Variants in ADAMTS20 observed in about 807,000 individuals in gnomAD.
The protein encoded by ADAMTS20 is ADAM metallopeptidase with thrombospondin type 1 motif 20.
A neutral mutation model predicts 260.1 loss-of-function variants in ADAMTS20; 225 were observed. The observed-to-expected ratio is 0.87, with a 90% CI of 0.78 to 0.97. The LOEUF (loss-of-function observed/expected upper bound fraction) is 0.97. ADAMTS20 is among the 50% of genes least tolerant of loss of function. ADAMTS20 has a pLI of 0.00. For missense variants in ADAMTS20, 2,400 were observed against 2,337.7 expected (o/e 1.03, Z -0.55); for synonymous variants, 802 against 769.5 (o/e 1.04, Z -0.70).
intron 29 of ADAMTS20, among the ~76,000 whole-genome samples, chr12:43,386,620 A>T (rs955272683): frequency 2.6e-5 from 4 of 152,106 alleles, no homozygotes; most frequent in African/African-American, 9.7e-5. Flanking sequence ...TTTCAGGTAC[A>T]CCAATCAAAC....
intron 9 of ADAMTS20, among the ~76,000 whole-genome samples, chr12:43,465,948 T>A (rs191737155): frequency 1.3e-5 from 2 of 152,140 alleles, no homozygotes; most frequent in Non-Finnish European, 2.9e-5. Flanking sequence ...TTAGAATACA[T>A]CCATAGAAGA....
At chr12:43,527,802 A>T (rs1021873881) in intron 3 of ADAMTS20, among the ~76,000 whole-genome samples, 1 of 152,126 alleles carries the variant, frequency 6.6e-6, no homozygotes, top group Non-Finnish European at 1.5e-5. Flanking sequence ...CACTTTTACC[A>T]CTTCTACTCA....
intron 28 of ADAMTS20, among the ~76,000 whole-genome samples, chr12:43,401,937 C>G (rs1402615756): frequency 6.6e-6 from 1 of 151,764 alleles, no homozygotes; most frequent in East Asian, 1.9e-4. Context: ...CACATTCGCT[C>G]AAAAACAGGG....
chr12:43,416,768 C>T (rs538455966), intron 28 of ADAMTS20, among the ~76,000 whole-genome samples: 3 of 151,992 alleles, frequency 2.0e-5, no homozygotes, highest in African/African-American at 7.2e-5. Context: ...GTGATCCGAC[C>T]GCCTCGGCCT....
In ADAMTS20 at chr12:43,430,366, G is replaced by A. The variant is rs1252054451; in HGVS notation, c.3367C>T (p.Pro1123Ser). The change falls in exon 23 of 39, where the codon CCC (proline) becomes TCC (serine). Residue 1123 changes from proline to serine, a missense_variant. Transcript: ENST00000389420. ...ATTCTTTTTACCTGTCTGTCACTGG[G>A]GCGACTAGCTTCATGGCATTCTGTG... The part of the protein sequence containing the change: ...EDTECHEASR[P>S]SDRQSCVLTP... 3 of 1,610,500 alleles carry A rather than the reference G, an allele frequency of 1.9e-6. No homozygotes were observed. The highest frequency in any genetic ancestry group is 1.7e-6 in the Non-Finnish European group (2 of 1,178,140).
chr12:43,412,235 T>C (rs891588192), intron 28 of ADAMTS20, among the ~76,000 whole-genome samples: 9 of 152,232 alleles, frequency 5.9e-5, no homozygotes, highest in African/African-American at 2.2e-4. Flanking sequence ...AAGCTTCAAA[T>C]TGTCTAACAT....
At chr12:43,446,271 GA>G (rs1241522205) in intron 15 of ADAMTS20, among the ~76,000 whole-genome samples, 1 of 152,016 alleles carries the variant, frequency 6.6e-6, no homozygotes, top group South Asian at 2.1e-4. Flanking sequence ...AGGTTATAGG[GA>G]AAAAACCATT....
At chr12:43,541,502 CT>C (rs1943376234) in intron 2 of ADAMTS20, among the ~76,000 whole-genome samples, 1 of 152,182 alleles carries the variant, frequency 6.6e-6, no homozygotes, top group Non-Finnish European at 1.5e-5. Flanking sequence ...GACAGCCACT[CT>C]TTTTACCACT....
chr12:43,477,655 TTCTC>T (rs143217172), intron 7 of ADAMTS20, among the ~76,000 whole-genome samples: 1 of 150,924 alleles, frequency 6.6e-6, no homozygotes, highest in African/African-American at 2.4e-5. Context: ...GTCTCTTTCT[TTCTC>T]TCTCTCTCTC....
In ADAMTS20 at chr12:43,462,943, GAA is replaced by G. The variant is rs1942089607; in HGVS notation, c.1564_1565del (p.Phe522HisfsTer36). ...TSTEKLHKGCFTQHVPPADGT... is the reference protein window; with the variant it reads ...TSTEKLHKGCXTQHVPPADGT... ...CATCTGCTGGTGGCACGTGTTGAGTGAAACAGCCTTTGTGAAGCTTTTCTGTG... is the reference window on the plus strand; with the variant it reads ...CATCTGCTGGTGGCACGTGTTGAGTGACAGCCTTTGTGAAGCTTTTCTGTG... On this transcript the variant is annotated frameshift_variant, in exon 11 of 39. Coordinates refer to ENST00000389420, the MANE Select transcript of ADAMTS20 (RefSeq NM_025003.5). LOFTEE classifies it high-confidence loss of function. The G allele has an allele frequency of 1.2e-6, 2 of 1,609,680 alleles. No homozygotes were observed. The highest frequency in any genetic ancestry group is 2.7e-5 in the African/African-American group (2 of 74,912).
chr12:43,521,493 T>G (rs538899972), intron 3 of ADAMTS20, among the ~76,000 whole-genome samples: 1 of 152,350 alleles, frequency 6.6e-6, no homozygotes, highest in East Asian at 1.9e-4. Context: ...TTTACTTCTT[T>G]ATGTGCACTT....
intron 15 of ADAMTS20, among the ~76,000 whole-genome samples, chr12:43,445,964 T>A (rs1283962461): frequency 6.6e-6 from 1 of 152,094 alleles, no homozygotes; most frequent in Non-Finnish European, 1.5e-5. Context: ...CCAGAAAACA[T>A]TACAATGGAA....
rs150670741 is a variant in ADAMTS20 at position 43,432,662 on chromosome 12, G to A, written c.2870C>T (p.Thr957Ile). The A allele has an allele frequency of 5.0e-6, 8 of 1,613,806 alleles. No individual in the cohort carries two copies. The Admixed American group carries it at 1.0e-4, about 20-fold the overall frequency. ...HYCGDQLKPPTQELCHGNCVF... is the reference protein window; with the variant it reads ...HYCGDQLKPPIQELCHGNCVF... The stretch of plus-strand genomic sequence containing the variant: ...ACAGTTACCATGGCATAGTTCTTGG[G>A]TAGGAGGTTTAAGCTGGTCACCACA... Residue 957 changes from threonine (T) to isoleucine (I), a missense_variant, in exon 20 of 39, where the codon ACC becomes ATC. By Grantham distance (89) the Thr-to-Ile change is moderately conservative. Coordinates refer to ENST00000389420, the MANE Select transcript of ADAMTS20 (RefSeq NM_025003.5).
At chr12:43,405,229 C>CCAAAAAAAAAAAAAAAAAAAAAAAAAAAA (rs1410899520) in intron 28 of ADAMTS20, among the ~76,000 whole-genome samples, 1 of 52,790 alleles carries the variant, frequency 1.9e-5, no homozygotes, top group Non-Finnish European at 3.2e-5. Flanking sequence ...CTCATCTCTA[C>CCAAAAAAAAAAAAAAAAAAAAAAAAAAAA]AAAAAAAAAA....
Position 43,354,082 on chromosome 12 carries a change from GA to G in ADAMTS20, c.*126del. 2.4e-5 allele frequency: 15 copies of G among 628,874 alleles called. No homozygotes were observed. The highest frequency in any genetic ancestry group is 3.5e-5 in the Admixed American group (1 of 28,816). The allele number at this position is 628,874 out of a possible 1,614,324, so 39.0% of individuals were successfully genotyped here. A position where few individuals can be genotyped will look rare whatever the true frequency, so the allele number is the denominator to read the frequency against. On this transcript the variant is annotated 3_prime_UTR_variant, in exon 39 of 39. Transcript: ENST00000389420. ...GATTTGAATCCCTGATGAGCACCCT[GA>G]AAAAAAGGCAGAGACATATTGGACA...
At chr12:43,432,949 A>C in intron 19 of ADAMTS20, 138 bp from the exon 20 acceptor site, 1 of 727,986 alleles carries the variant, frequency 1.4e-6, no homozygotes, top group Non-Finnish European at 2.2e-6. Context: ...GTCTGCAGCC[A>C]GGAAGCCAGC....
chr12:43,514,518 C>T (rs1481149295), intron 3 of ADAMTS20, among the ~76,000 whole-genome samples: 2 of 130,652 alleles, frequency 1.5e-5, no homozygotes, highest in Middle Eastern at 4.3e-3. Flanking sequence ...GCCAAGATCT[C>T]GCTACTGCAC....
At chr12:43,487,496 T>C (rs1403992075) in intron 7 of ADAMTS20, among the ~76,000 whole-genome samples, 1 of 152,054 alleles carries the variant, frequency 6.6e-6, no homozygotes, top group Non-Finnish European at 1.5e-5. Context: ...ACTCAAGTGA[T>C]GGGTGCACGA....
chr12:43,452,213 C>A lies in ADAMTS20; in HGVS notation c.2079+61G>T, dbSNP rs150130179. On this transcript the variant is annotated intron_variant, in intron 14 of 38. Coordinates refer to ENST00000389420, the MANE Select transcript of ADAMTS20 (RefSeq NM_025003.5). ...AAAAGTAATATTTGGTTATATAAAT[C>A]GAAAAAAAACATTATTCTTAAAGTC... The A allele has an allele frequency of 1.7e-4, 259 of 1,492,668 alleles. No individual in the cohort carries two copies. The African/African-American group carries it at 3.0e-3, about 17-fold the overall frequency. The allele number at this position is 1,492,668 out of a possible 1,614,324, so 92.5% of individuals were successfully genotyped here.
Sources: gnomAD v4.1 joint callset for allele counts (sites outside exome capture counted in the v4.1 genomes callset) on GRCh38, gnomAD v4.1.1 for gene constraint, MANE v1.5 for transcripts, NCBI Gene and HGNC (gene_info 2026-07-23, HGNC 2026-07-21) for gene names.